The following ZFAND4 variants were observed in gnomAD, a reference collection of about 807,000 sequenced individuals.
The protein encoded by ZFAND4 is AN1-type zinc finger protein 4.
A neutral mutation model predicts 64.4 loss-of-function variants in ZFAND4; 43 were observed. That is an observed-to-expected ratio of 0.67 (90% CI 0.52 to 0.86). ZFAND4 has a LOEUF of 0.86. ZFAND4 is among the 40% of genes least tolerant of loss of function. ZFAND4 has a pLI of 0.00. For synonymous variants in ZFAND4, 296 were observed against 305.7 expected (o/e 0.97, Z 0.33); for missense variants, 929 against 859.8 (o/e 1.08, Z -1.01).
chr10:45,672,678 C>G lies in ZFAND4; in HGVS notation c.-546G>C, dbSNP rs2049287235. 1.3e-5 allele frequency: 2 copies of G among 152,122 alleles called. No homozygotes were observed. Among genetic ancestry groups the G allele is most frequent in the South Asian group, 4.1e-4 (2 of 4,838 alleles). 9.4% of individuals were successfully genotyped at this position (152,122 alleles called of 1,614,324 possible). ...CCGGCCGCTCGCTAGCTCAGCCTCA[C>G]CCGCAGTCTTGTCCGCTGGCTCGCT... On this transcript the variant is annotated 5_prime_UTR_variant, in exon 1 of 10. Transcript: ENST00000344646.
chr10:45,650,538 T>C (rs576583519), intron 4 of ZFAND4: 1 of 151,768 alleles, frequency 6.6e-6, no homozygotes. Context: ...GTAAAAAATA[T>C]ATATATTTAC....
rs567357762 is a variant in ZFAND4 at position 45,643,024 on chromosome 10, C to T, written c.570-3061G>A. On this transcript the variant is annotated intron_variant, in intron 5 of 9. Coordinates refer to ENST00000344646, the MANE Select transcript of ZFAND4 (RefSeq NM_174890.4). ...CCTCCACCTCCCGGGTTCAAGCGCC[C>T]TTTCTCCTGCCTCAGCCTCCCTAGT... Among the ~76,000 whole-genome samples the T allele has an allele frequency of 1.6e-3, 216 of 133,602 alleles. 1 individual carries two copies. Among genetic ancestry groups the T allele is most frequent in the African/African-American group, 6.5e-3 (205 of 31,620 alleles). 87.6% of individuals were successfully genotyped at this position (133,602 alleles called of 152,430 possible).
intron 6 of ZFAND4, among the ~76,000 whole-genome samples, chr10:45,636,327 G>C (rs1271020643): frequency 2.0e-5 from 3 of 151,842 alleles, no homozygotes; most frequent in Non-Finnish European, 2.9e-5. Context: ...GTATTATTTG[G>C]AATCTTTTAT....
chr10:45,633,618 G>A (rs1017247579), intron 6 of ZFAND4, among the ~76,000 whole-genome samples: 1 of 151,428 alleles, frequency 6.6e-6, no homozygotes, highest in African/African-American at 2.4e-5. Flanking sequence ...TTGGACTAAT[G>A]AGGAAATACC....
intron 1 of ZFAND4, among the ~76,000 whole-genome samples, chr10:45,669,535 C>A (rs148009232): frequency 0.025 from 3,875 of 152,272 alleles, 67 homozygotes; most frequent in East Asian, 0.053. Context: ...TTTTATGAGG[C>A]CAGCATCATC....
Position 45,663,817 on chromosome 10 carries a change from T to C in ZFAND4, c.-92A>G, listed in dbSNP as rs2048629816. On this transcript the variant is annotated 5_prime_UTR_variant, in exon 2 of 10. Transcript: ENST00000344646. ...AGGTTTGAAGATTGGTAATATATATTGTTGTTCATGTTTTGAGTTTTGTAC... is the reference window on the plus strand; with the variant it reads ...AGGTTTGAAGATTGGTAATATATATCGTTGTTCATGTTTTGAGTTTTGTAC... 9.2e-7 allele frequency: 1 copy of C among 1,089,454 alleles called. No individual in the cohort carries two copies. The highest frequency in any genetic ancestry group is 1.3e-6 in the Non-Finnish European group (1 of 797,310). The allele number at this position is 1,089,454 out of a possible 1,614,324, so 67.5% of individuals were successfully genotyped here.
At chr10:45,663,316 T>C (rs1432655158) in intron 2 of ZFAND4, among the ~76,000 whole-genome samples, 1 of 152,202 alleles carries the variant, frequency 6.6e-6, no homozygotes, top group African/African-American at 2.4e-5. Context: ...CACCATAGCA[T>C]GATGCCAGGG....
intron 2 of ZFAND4, among the ~76,000 whole-genome samples, chr10:45,660,580 C>T (rs1188258641): frequency 1.3e-5 from 2 of 151,138 alleles, no homozygotes; most frequent in Non-Finnish European, 3.0e-5. Flanking sequence ...ATACCAAACA[C>T]GATAACTACC....
At chr10:45,671,819 C>T (rs1479336577) in intron 1 of ZFAND4, among the ~76,000 whole-genome samples, 1 of 145,470 alleles carries the variant, frequency 6.9e-6, no homozygotes, top group African/African-American at 2.6e-5. Flanking sequence ...TACCCTAGAA[C>T]TTAAAAAAAA....
At chr10:45,624,881 C>T (rs928788149) in intron 7 of ZFAND4, among the ~76,000 whole-genome samples, 1 of 152,072 alleles carries the variant, frequency 6.6e-6, no homozygotes, top group Non-Finnish European at 1.5e-5. Flanking sequence ...CCTGTAATCC[C>T]AGCACTTTAG....
Position 45,626,139 on chromosome 10 carries a change from C to T in ZFAND4, c.1684G>A (p.Gly562Ser), listed in dbSNP as rs543101450. 4 of 1,614,154 alleles carry T rather than the reference C, an allele frequency of 2.5e-6. No individual in the cohort carries two copies. Among genetic ancestry groups the T allele is most frequent in the Non-Finnish European group, 3.4e-6 (4 of 1,180,044 alleles). ...MTNKASKEPV[G>S]CVNNISFLAS... ...AGAAAACTGATATTATTTACACAAC[C>T]AACAGGCTCTTTGGAAGCCTTGTTA... is the stretch of plus-strand genomic sequence containing the variant. The change falls in exon 7 of 10, where the codon GGT (glycine) becomes AGT (serine). Residue 562 changes from glycine (G) to serine (S), a missense_variant. Gly to Ser is a moderately conservative substitution (Grantham distance 56). Transcript: ENST00000344646.
chr10:45,639,737 A>T, intron 6 of ZFAND4, 79 bp downstream of exon 6: 1 of 1,455,746 alleles, frequency 6.9e-7, no homozygotes, highest in Admixed American at 2.5e-5. Flanking sequence ...ATTTTTTCAC[A>T]ATGACCAACA....
intron 5 of ZFAND4, 48 bp downstream of exon 5, chr10:45,648,246 A>G: frequency 2.6e-6 from 4 of 1,518,172 alleles, no homozygotes; most frequent in Non-Finnish European, 3.5e-6. Flanking sequence ...TTGTTAATAT[A>G]TATAGATTAT....
intron 6 of ZFAND4, among the ~76,000 whole-genome samples, chr10:45,632,182 G>A (rs1016516010): frequency 3.9e-5 from 6 of 151,954 alleles, no homozygotes; most frequent in Admixed American, 2.0e-4. Flanking sequence ...GTGAAACCCC[G>A]TCTCTAGTAA....
chr10:45,653,088 T>G, intron 2 of ZFAND4, 29 bp from the exon 3 acceptor site: 1 of 1,528,878 alleles, frequency 6.5e-7, no homozygotes, highest in Middle Eastern at 1.7e-4. Flanking sequence ...AAAAAAAGTG[T>G]TAAAGAATTC....
intron 6 of ZFAND4, among the ~76,000 whole-genome samples, chr10:45,639,354 A>G (rs1307465422): frequency 6.6e-6 from 1 of 152,178 alleles, no homozygotes; most frequent in Non-Finnish European, 1.5e-5. Context: ...CCACAAACAA[A>G]GTAGGATTAC....
At chr10:45,635,229 C>CCAAAA (rs1564580491) in intron 6 of ZFAND4, among the ~76,000 whole-genome samples, 1 of 110,010 alleles carries the variant, frequency 9.1e-6, no homozygotes, top group African/African-American at 3.4e-5. Context: ...AAAAAACAAA[C>CCAAAA]AAAAAAAAAC....
At chr10:45,622,729 G>A (rs536412647) in intron 8 of ZFAND4, among the ~76,000 whole-genome samples, 15 of 152,260 alleles carry the variant, frequency 9.9e-5, no homozygotes, top group South Asian at 4.1e-4. Flanking sequence ...AACTTTCCCC[G>A]TTCAGAACAT....
intron 1 of ZFAND4, among the ~76,000 whole-genome samples, chr10:45,669,342 A>C (rs1589458339): frequency 6.6e-6 from 1 of 152,350 alleles, no homozygotes; most frequent in Admixed American, 6.5e-5. Flanking sequence ...AAGAAGTGGA[A>C]TCTCTGAAGA....
Sources: gnomAD v4.1 joint callset for allele counts (sites outside exome capture counted in the v4.1 genomes callset) on GRCh38, gnomAD v4.1.1 for gene constraint, MANE v1.5 for transcripts, NCBI Gene and HGNC (gene_info 2026-07-23, HGNC 2026-07-21) for gene names.